NPAS3: variants seen among roughly 807,000 people sequenced by gnomAD.
The protein encoded by NPAS3 is neuronal PAS domain protein 3.
Under a neutral mutation model 73.1 loss-of-function variants are expected in NPAS3, and 14 were observed. That is an observed-to-expected ratio of 0.19 (90% CI 0.13 to 0.30). The LOEUF is 0.30. NPAS3 is among the 10% of genes least tolerant of loss of function. The pLI is 1.00. For missense variants in NPAS3, 1,096 were observed against 1,250.0 expected, an observed-to-expected ratio of 0.88 and a Z score of 1.86; for synonymous variants, 620 against 541.5, an observed-to-expected ratio of 1.14 and a Z score of -2.01.
intron 4 of NPAS3, among the ~76,000 whole-genome samples, chr14:33,411,703 C>T (rs776350010): frequency 6.6e-6 from 1 of 152,154 alleles, no homozygotes; most frequent in East Asian, 1.9e-4. Context: ...CTGACAATTT[C>T]GAACATGCCT....
At chr14:33,514,513 G>T (rs779299370) in intron 4 of NPAS3, among the ~76,000 whole-genome samples, 27 of 152,004 alleles carry the variant, frequency 1.8e-4, no homozygotes, top group Admixed American at 7.2e-4. Flanking sequence ...CTCCTAAAAA[G>T]GCATAAGTAA....
intron 4 of NPAS3, among the ~76,000 whole-genome samples, chr14:33,479,846 T>C (rs2051227199): frequency 6.6e-6 from 1 of 152,198 alleles, no homozygotes; most frequent in Admixed American, 6.5e-5. Context: ...ACACACTTAT[T>C]TCTTTCCATT....
chr14:33,014,893 G>A (rs1365036616), intron 1 of NPAS3, among the ~76,000 whole-genome samples: 1 of 152,218 alleles, frequency 6.6e-6, no homozygotes, highest in Non-Finnish European at 1.5e-5. Flanking sequence ...ATGAGGCCGG[G>A]CCTTCGGAGG....
At chr14:33,082,116 C>G (rs1161103221) in intron 2 of NPAS3, among the ~76,000 whole-genome samples, 1 of 152,102 alleles carries the variant, frequency 6.6e-6, no homozygotes, top group African/African-American at 2.4e-5. Context: ...TTGACTGGCC[C>G]AAAGAGAATC....
intron 8 of NPAS3, among the ~76,000 whole-genome samples, chr14:33,775,593 T>C (rs7142307): frequency 0.14 from 20,884 of 152,152 alleles, 1,584 homozygotes; most frequent in South Asian, 0.21. Context: ...TCAAAGGAAA[T>C]AATTCACCCT....
At chr14:33,367,504 G>A (rs1463371464) in intron 4 of NPAS3, among the ~76,000 whole-genome samples, 1 of 152,130 alleles carries the variant, frequency 6.6e-6, no homozygotes, top group Admixed American at 6.6e-5. Flanking sequence ...TAATTTAGAT[G>A]AATTGCACTA....
At position 33,424,169 on chromosome 14, in the gene NPAS3, A is replaced by G. The variant is rs1038739344; in HGVS notation, c.468+56901A>G. Among the ~76,000 whole-genome samples, 6 of 152,002 alleles carry G rather than the reference A, an allele frequency of 3.9e-5. No individual in the cohort carries two copies. In the East Asian group the frequency reaches 9.7e-4, roughly 25 times the overall value. ...GGTATGATTTCCTTGAGAAAGTGAT[A>G]CTCAAGCTGAAATCCAAGAGATAAG... On this transcript the variant is annotated intron_variant, in intron 4 of 11. Transcript: ENST00000356141.
chr14:33,370,447 G>A (rs2046037686), intron 4 of NPAS3, among the ~76,000 whole-genome samples: 1 of 152,110 alleles, frequency 6.6e-6, no homozygotes, highest in Non-Finnish European at 1.5e-5. Context: ...TGATATGATG[G>A]CTGCTTCACA....
At chr14:33,536,352 T>G (rs1270160541) in intron 4 of NPAS3, among the ~76,000 whole-genome samples, 1 of 152,234 alleles carries the variant, frequency 6.6e-6, no homozygotes, top group East Asian at 1.9e-4. Context: ...TAAAAGATTT[T>G]TATTTTCTAT....
chr14:33,283,786 G>A (rs1010491248), intron 3 of NPAS3, among the ~76,000 whole-genome samples: 2 of 152,186 alleles, frequency 1.3e-5, no homozygotes, highest in Non-Finnish European at 2.9e-5. Flanking sequence ...TAAGAAAGTT[G>A]TTGTGGGCAT....
chr14:33,609,419 T>C (rs1258638375), intron 5 of NPAS3, among the ~76,000 whole-genome samples: 2 of 152,200 alleles, frequency 1.3e-5, no homozygotes, highest in East Asian at 1.9e-4. Context: ...CTATGGACTT[T>C]GGAAAAGATT....
chr14:33,698,105 C>G (rs1036024355), intron 6 of NPAS3, among the ~76,000 whole-genome samples: 1 of 152,132 alleles, frequency 6.6e-6, no homozygotes, highest in Non-Finnish European at 1.5e-5. Context: ...AGCTCACATG[C>G]AGACCTGCCC....
intron 2 of NPAS3, among the ~76,000 whole-genome samples, chr14:33,159,467 T>C (rs1490150979): frequency 6.6e-6 from 1 of 152,034 alleles, no homozygotes; most frequent in Non-Finnish European, 1.5e-5. Context: ...AAAACTTAAA[T>C]CACTGTCCTT....
At chr14:33,607,279 A>C (rs1249257252) in intron 5 of NPAS3, among the ~76,000 whole-genome samples, 1 of 152,174 alleles carries the variant, frequency 6.6e-6, no homozygotes, top group Non-Finnish European at 1.5e-5. Context: ...GACGTCCATT[A>C]CTAGGTGAAT....
intron 3 of NPAS3, among the ~76,000 whole-genome samples, chr14:33,322,234 A>G (rs1049687380): frequency 1.3e-5 from 2 of 152,206 alleles, no homozygotes; most frequent in Admixed American, 1.3e-4. Flanking sequence ...TTGGAGTGCC[A>G]GCAGGGTTTG....
In NPAS3 at chr14:33,301,920, A is replaced by G. The variant is rs1296642655; in HGVS notation, c.386-65266A>G. ...AAATATGTTTTTCGTATAATATAAA[A>G]GAAACAGGCCAACAGTAGTTGTTCC... On this transcript the variant is annotated intron_variant, in intron 3 of 11. Transcript: ENST00000356141. 5.3e-5 allele frequency among the ~76,000 whole-genome samples: 8 copies of G among 152,342 alleles called. No homozygotes were observed. The East Asian group carries it at 1.5e-3, about 29-fold the overall frequency.
intron 5 of NPAS3, among the ~76,000 whole-genome samples, chr14:33,591,640 T>C (rs930941726): frequency 6.6e-6 from 1 of 152,208 alleles, no homozygotes. Context: ...TGAATTCTTA[T>C]AGAAACCATG....
chr14:33,411,769 C>T (rs2047937414), intron 4 of NPAS3, among the ~76,000 whole-genome samples: 1 of 150,902 alleles, frequency 6.6e-6, no homozygotes, highest in African/African-American at 2.5e-5. Flanking sequence ...AAATGTCTTC[C>T]CAGCCATCTA....
chr14:33,595,611 A>T (rs1486347999), intron 5 of NPAS3, among the ~76,000 whole-genome samples: 1 of 152,224 alleles, frequency 6.6e-6, no homozygotes, highest in African/African-American at 2.4e-5. Context: ...AAAAAGAAAG[A>T]TGGAAAAGGT....
Sources: allele counts gnomAD v4.1 joint callset (sites outside exome capture counted in the v4.1 genomes callset), GRCh38; gene constraint gnomAD v4.1.1; transcripts MANE v1.5; gene names NCBI Gene and HGNC (gene_info 2026-07-23, HGNC 2026-07-21).